NFIA: variants seen among roughly 807,000 people sequenced by gnomAD.
NFIA encodes the protein nuclear factor 1 A-type.
In NFIA, 8 loss-of-function variants were observed where a neutral mutation model predicts 62.8. That is an observed-to-expected ratio of 0.13 (90% confidence interval 0.07 to 0.23). The LOEUF (loss-of-function observed/expected upper bound fraction) is 0.23. Ranked by LOEUF, NFIA falls within the 10% of genes least tolerant of loss-of-function variation. The probability of loss-of-function intolerance (pLI) is 1.00; values close to 1 mark genes in which losing one functional copy is unlikely to be tolerated. For synonymous variants in NFIA, 235 were observed against 238.1 expected (o/e 0.99, Z 0.12); for missense variants, 410 against 642.1 (o/e 0.64, Z 3.91).
intron 2 of NFIA, among the ~76,000 whole-genome samples, chr1:61,220,935 C>G (rs1653979571): frequency 6.6e-6 from 1 of 152,176 alleles, no homozygotes; most frequent in African/African-American, 2.4e-5. Flanking sequence ...ATTCTCATCC[C>G]TTTCCATACA....
At chr1:61,275,858 A>AT (rs1215118495) in intron 2 of NFIA, among the ~76,000 whole-genome samples, 2 of 152,064 alleles carry the variant, frequency 1.3e-5, no homozygotes, top group Non-Finnish European at 2.9e-5. Flanking sequence ...GTCATGCTGT[A>AT]TTTTTTAATT....
At chr1:61,262,733 A>G (rs1437041131) in intron 2 of NFIA, among the ~76,000 whole-genome samples, 1 of 152,218 alleles carries the variant, frequency 6.6e-6, no homozygotes, top group Non-Finnish European at 1.5e-5. Flanking sequence ...TTTGGAAATC[A>G]TTTGGGCAAA....
chr1:61,261,683 C>T (rs1338159982), intron 2 of NFIA, among the ~76,000 whole-genome samples: 2 of 152,102 alleles, frequency 1.3e-5, no homozygotes, highest in South Asian at 4.1e-4. Context: ...GTTAACTTTA[C>T]GTGGAAATGT....
chr1:61,253,095 A>C lies in NFIA; in HGVS notation c.560-24425A>C, dbSNP rs573672481. ...GTCCAGCCATGTTCCAAATGCTCTGAGTATAGGCACTGGCTGGTAAGCTTA... is the reference window on the plus strand; with the variant it reads ...GTCCAGCCATGTTCCAAATGCTCTGCGTATAGGCACTGGCTGGTAAGCTTA... On this transcript the variant is annotated intron_variant, in intron 2 of 10. Coordinates refer to ENST00000403491, the MANE Select transcript of NFIA (RefSeq NM_001134673.4). 3.0e-3 allele frequency among the ~76,000 whole-genome samples: 452 copies of C among 152,334 alleles called. 2 individuals carry two copies. The highest frequency in any genetic ancestry group is 0.01 in the African/African-American group (427 of 41,574).
chr1:61,340,121 C>T (rs1260721422), intron 4 of NFIA, among the ~76,000 whole-genome samples: 1 of 152,166 alleles, frequency 6.6e-6, no homozygotes, highest in African/African-American at 2.4e-5. Flanking sequence ...CCGTTTTGAT[C>T]TCTGTTCTCA....
chr1:61,081,283 T>C (rs1010057011), upstream of NFIA, among the ~76,000 whole-genome samples: 3 of 149,574 alleles, frequency 2.0e-5, no homozygotes, highest in African/African-American at 7.4e-5. Flanking sequence ...AAAAGCAGGC[T>C]TACTGGCAAC....
At chr1:61,148,915 C>T (rs1648201186) in intron 2 of NFIA, among the ~76,000 whole-genome samples, 2 of 152,254 alleles carry the variant, frequency 1.3e-5, no homozygotes, top group South Asian at 4.2e-4. Flanking sequence ...ATTTGTCACC[C>T]AGGCTGGAGT....
chr1:61,352,756 TACACACACACACACACACAC>T (rs10544967), intron 5 of NFIA, among the ~76,000 whole-genome samples, 189 bp downstream of exon 5: 2 of 150,456 alleles, frequency 1.3e-5, no homozygotes, highest in Non-Finnish European at 3.0e-5. Context: ...CAAGATTAAA[TACACACACACACACACACAC>T]ACACACACGC....
At chr1:61,301,604 T>C (rs186217531) in intron 3 of NFIA, among the ~76,000 whole-genome samples, 139 of 152,302 alleles carry the variant, frequency 9.1e-4, no homozygotes, top group African/African-American at 3.2e-3. Flanking sequence ...TGTGGTTATT[T>C]TTTAAAGTGC....
intron 9 of NFIA, among the ~76,000 whole-genome samples, chr1:61,421,126 C>A (rs1434119086): frequency 6.6e-6 from 1 of 152,194 alleles, no homozygotes; most frequent in Admixed American, 6.5e-5. Flanking sequence ...CCCTGTAAGG[C>A]TTGTCCTGTT....
At chr1:61,236,620 G>T (rs1025337468) in intron 2 of NFIA, among the ~76,000 whole-genome samples, 6 of 151,478 alleles carry the variant, frequency 4.0e-5, no homozygotes, top group Admixed American at 6.6e-5. Context: ...TACTAAACAG[G>T]ATTTTTTTTT....
chr1:61,178,894 T>G (rs1320372627), intron 2 of NFIA, among the ~76,000 whole-genome samples: 1 of 152,224 alleles, frequency 6.6e-6, no homozygotes, highest in African/African-American at 2.4e-5. Flanking sequence ...GATGCCCTAA[T>G]GAGCAGATTA....
chr1:61,281,993 A>T lies in NFIA; in HGVS notation c.625+4408A>T, dbSNP rs149648861. The stretch of plus-strand genomic sequence containing the variant: ...CCTAGAGATTTTAAGAAAAACAAAC[A>T]AACAAAAAAAACAAAAACGCTCTGG... On this transcript the variant is annotated intron_variant, in intron 3 of 10. Coordinates refer to ENST00000403491, the MANE Select transcript of NFIA (RefSeq NM_001134673.4). Among the ~76,000 whole-genome samples, 661 of 152,290 alleles carry T rather than the reference A, an allele frequency of 4.3e-3. 9 individuals are homozygous for T. Among genetic ancestry groups the T allele is most frequent in the African/African-American group, 0.015 (637 of 41,546 alleles).
chr1:61,196,941 GC>G (rs1345693237), intron 2 of NFIA, among the ~76,000 whole-genome samples: 2 of 129,464 alleles, frequency 1.5e-5, no homozygotes. Flanking sequence ...GTGTGTGTGT[GC>G]GCGCGCGCGC....
intron 2 of NFIA, among the ~76,000 whole-genome samples, chr1:61,184,150 A>G (rs1650970158): frequency 6.6e-6 from 1 of 151,536 alleles, no homozygotes; most frequent in Non-Finnish European, 1.5e-5. Context: ...AAACCCAAAA[A>G]AACAAAACAA....
chr1:61,147,242 C>T (rs1648078461), intron 2 of NFIA, among the ~76,000 whole-genome samples: 1 of 152,142 alleles, frequency 6.6e-6, no homozygotes, highest in African/African-American at 2.4e-5. Context: ...CCTCCGCCTC[C>T]TGAGTTCAAG....
intron 7 of NFIA, among the ~76,000 whole-genome samples, chr1:61,390,531 C>T (rs1664920251): frequency 6.6e-6 from 1 of 152,150 alleles, no homozygotes; most frequent in South Asian, 2.1e-4. Context: ...ATCCTCCTGG[C>T]CCAAATAGGG....
intron 10 of NFIA, among the ~76,000 whole-genome samples, chr1:61,450,870 C>T (rs1475006204): frequency 6.6e-6 from 1 of 152,204 alleles, no homozygotes; most frequent in African/African-American, 2.4e-5. Context: ...AAAAATGTTT[C>T]TCAGACATTT....
intron 2 of NFIA, among the ~76,000 whole-genome samples, chr1:61,237,708 A>G (rs921336236): frequency 6.6e-6 from 1 of 152,112 alleles, no homozygotes; most frequent in Non-Finnish European, 1.5e-5. Context: ...AGTTTACTAC[A>G]TTCTTGTTTT....
Sources: allele counts gnomAD v4.1 joint callset (sites outside exome capture counted in the v4.1 genomes callset), GRCh38; gene constraint gnomAD v4.1.1; transcripts MANE v1.5; gene names NCBI Gene and HGNC (gene_info 2026-07-23, HGNC 2026-07-21).